The following KCNMA1 variants were observed in gnomAD, a reference collection of about 807,000 sequenced individuals.
KCNMA1 encodes potassium calcium-activated channel subfamily M alpha 1.
KCNMA1 carries 29 observed loss-of-function variants against 140.0 expected under a neutral mutation model. The observed-to-expected ratio is 0.21, with a 90% CI of 0.15 to 0.28. KCNMA1 has a LOEUF of 0.28. Ranked by LOEUF, KCNMA1 falls within the 10% of genes least tolerant of loss-of-function variation. The probability of loss-of-function intolerance (pLI) is 1.00; values close to 1 mark genes in which losing one functional copy is unlikely to be tolerated. For synonymous variants in KCNMA1, 612 were observed against 611.9 expected (o/e 1.00, Z 0.00); for missense variants, 880 against 1,602.2 (o/e 0.55, Z 7.70).
At chr10:77,354,748 A>C (rs1227996222) in intron 2 of KCNMA1, 1 of 152,238 alleles carries the variant, frequency 6.6e-6, no homozygotes, top group Non-Finnish European at 1.5e-5. Flanking sequence ...AAGAGACTAC[A>C]GAGGGAAGCA....
intron 10 of KCNMA1, 125 bp downstream of exon 10, chr10:77,090,275 C>A: frequency 1.3e-6 from 1 of 763,820 alleles, no homozygotes; most frequent in Non-Finnish European, 2.4e-6. Flanking sequence ...GGGATCATGG[C>A]TTACCCAACT....
At chr10:77,463,151 G>A (rs2097910362) in intron 1 of KCNMA1, among the ~76,000 whole-genome samples, 1 of 152,140 alleles carries the variant, frequency 6.6e-6, no homozygotes, top group African/African-American at 2.4e-5. Flanking sequence ...GTAACACAGT[G>A]CATGGCCCCC....
intron 1 of KCNMA1, among the ~76,000 whole-genome samples, chr10:77,541,035 A>C (rs939455867): frequency 1.3e-5 from 2 of 152,162 alleles, no homozygotes; most frequent in African/African-American, 2.4e-5. Flanking sequence ...CTAGGAGAAC[A>C]GAATATGATC....
chr10:77,138,363 A>C (rs1352220671), intron 5 of KCNMA1, among the ~76,000 whole-genome samples: 4 of 152,058 alleles, frequency 2.6e-5, no homozygotes, highest in Non-Finnish European at 4.4e-5. Flanking sequence ...GGCTCAAATG[A>C]TCCTCTCACC....
At chr10:77,349,585 T>TTTTCTCCCCATCATC (rs2092620475) in intron 2 of KCNMA1, among the ~76,000 whole-genome samples, 1 of 152,214 alleles carries the variant, frequency 6.6e-6, no homozygotes. Context: ...ACTCAGTTCC[T>TTTTCTCCCCATCATC]TTTCTCCCCA....
chr10:76,978,194 T>C (rs1239413036), intron 19 of KCNMA1, among the ~76,000 whole-genome samples: 4 of 152,220 alleles, frequency 2.6e-5, no homozygotes, highest in African/African-American at 9.6e-5. Context: ...TGTCTCTTTG[T>C]TAACAGGAAG....
chr10:77,577,171 C>T (rs1269228418), intron 1 of KCNMA1, among the ~76,000 whole-genome samples: 1 of 151,916 alleles, frequency 6.6e-6, no homozygotes, highest in Non-Finnish European at 1.5e-5. Flanking sequence ...CTCAGCCTCC[C>T]GAGTGGCTGG....
chr10:77,143,367 T>C (rs1278065225), intron 5 of KCNMA1, among the ~76,000 whole-genome samples: 1 of 152,162 alleles, frequency 6.6e-6, no homozygotes, highest in Non-Finnish European at 1.5e-5. Context: ...GAAACTATGT[T>C]GTGTTAAGAT....
chr10:77,048,985 C>T (rs1286474725), intron 14 of KCNMA1, among the ~76,000 whole-genome samples: 7 of 152,062 alleles, frequency 4.6e-5, no homozygotes, highest in Non-Finnish European at 7.4e-5. Context: ...AAGATGGTCT[C>T]GATCTCCTGA....
At chr10:76,978,555 A>G (rs1409598323) in intron 19 of KCNMA1, 2 of 152,224 alleles carry the variant, frequency 1.3e-5, no homozygotes, top group Non-Finnish European at 2.9e-5. Flanking sequence ...TGTGTCTAAA[A>G]TCATCATTGT....
chr10:77,506,779 G>A lies in KCNMA1; in HGVS notation c.379-102756C>T, dbSNP rs1284981492. ...GAGAGAGAGAGAGAGAGAGAGCTTT[G>A]AAATATGAAGAAAGAGAGAGAAAGA... On this transcript the variant is annotated intron_variant, in intron 1 of 27. Coordinates refer to ENST00000286628, the MANE Select transcript of KCNMA1 (RefSeq NM_001161352.2). 4.0e-5 allele frequency among the ~76,000 whole-genome samples: 5 copies of A among 125,266 alleles called. 1 individual carries two copies. The highest frequency in any genetic ancestry group is 1.6e-4 in the African/African-American group (5 of 32,174). The allele number at this position is 125,266 out of a possible 152,430, so 82.2% of individuals were successfully genotyped here.
At chr10:77,502,277 T>C (rs1301290623) in intron 1 of KCNMA1, among the ~76,000 whole-genome samples, 1 of 152,178 alleles carries the variant, frequency 6.6e-6, no homozygotes, top group Non-Finnish European at 1.5e-5. Flanking sequence ...TTCCCTTACA[T>C]GGAGAAATAC....
chr10:77,436,900 C>T (rs904626897), intron 1 of KCNMA1, among the ~76,000 whole-genome samples: 2 of 151,734 alleles, frequency 1.3e-5, no homozygotes, highest in Non-Finnish European at 1.5e-5. Flanking sequence ...ATATGCCAGG[C>T]TAGCAAGGGA....
At chr10:77,097,028 G>C (rs944492183) in intron 9 of KCNMA1, among the ~76,000 whole-genome samples, 2 of 152,154 alleles carry the variant, frequency 1.3e-5, no homozygotes, top group Non-Finnish European at 2.9e-5. Flanking sequence ...ACAGTGGTCA[G>C]CACCAAAGCT....
chr10:77,198,000 C>A (rs2041161749), intron 3 of KCNMA1, among the ~76,000 whole-genome samples: 1 of 152,072 alleles, frequency 6.6e-6, no homozygotes, highest in Non-Finnish European at 1.5e-5. Flanking sequence ...ACAGAACTGG[C>A]CGTTACTCAA....
intron 1 of KCNMA1, among the ~76,000 whole-genome samples, chr10:77,466,951 A>C (rs1334645065): frequency 6.6e-6 from 1 of 152,036 alleles, no homozygotes; most frequent in Non-Finnish European, 1.5e-5. Flanking sequence ...GGAGGAGAGG[A>C]AAAGGAAGAG....
intron 1 of KCNMA1, among the ~76,000 whole-genome samples, chr10:77,488,093 G>T (rs1392693028): frequency 6.6e-6 from 1 of 152,192 alleles, no homozygotes; most frequent in Non-Finnish European, 1.5e-5. Flanking sequence ...CAAAGGCCAG[G>T]TGGAGCCAGC....
At position 77,572,778 on chromosome 10, in the gene KCNMA1, C is replaced by T. The variant is rs987106495; in HGVS notation, c.378+64487G>A. On this transcript the variant is annotated intron_variant, in intron 1 of 27. Transcript: ENST00000286628. The stretch of plus-strand genomic sequence containing the variant: ...CTCAAAAAAAAAAAAAAATCAATAA[C>T]ATGCACACACTGCAAATATATCTCC... Among the ~76,000 whole-genome samples, 230 of 147,820 alleles carry T rather than the reference C, an allele frequency of 1.6e-3. 2 individuals carry two copies. The highest frequency in any genetic ancestry group is 5.5e-3 in the African/African-American group (219 of 40,006).
At chr10:77,508,624 C>CT (rs2047164739) in intron 1 of KCNMA1, among the ~76,000 whole-genome samples, 8 of 102,132 alleles carry the variant, frequency 7.8e-5, no homozygotes, top group African/African-American at 3.0e-4. Flanking sequence ...CCCTCTCTCT[C>CT]TCTTTTTTTC....
Sources: allele counts gnomAD v4.1 joint callset (sites outside exome capture counted in the v4.1 genomes callset), GRCh38; gene constraint gnomAD v4.1.1; transcripts MANE v1.5; gene names NCBI Gene and HGNC (gene_info 2026-07-23, HGNC 2026-07-21).